The following SLCO1B3 variants were observed in gnomAD, a reference collection of about 807,000 sequenced individuals.
SLCO1B3 encodes solute carrier organic anion transporter family member 1B3.
Under a neutral mutation model 71.8 loss-of-function variants are expected in SLCO1B3, and 72 were observed. The observed-to-expected ratio is 1.00, with a 90% CI of 0.83 to 1.22. SLCO1B3 has a LOEUF of 1.22. Ranked by LOEUF, SLCO1B3 falls within the 50% of genes most tolerant of loss-of-function variation. The pLI, the probability that SLCO1B3 is intolerant of heterozygous loss-of-function variation, is 0.00. For synonymous variants in SLCO1B3, 298 were observed against 278.4 expected (o/e 1.07, Z -0.70); for missense variants, 911 against 819.7 (o/e 1.11, Z -1.36).
At chr12:20,905,615 C>G (rs1055668050) in intron 15 of SLCO1B3, among the ~76,000 whole-genome samples, 5 of 152,158 alleles carry the variant, frequency 3.3e-5, no homozygotes. Flanking sequence ...AGAGCAGGGA[C>G]AAAATGCCAC....
chr12:20,810,833 A>G (rs1864098477), intron 1 of SLCO1B3, 69 bp downstream of exon 1: 2 of 152,310 alleles, frequency 1.3e-5, no homozygotes, highest in African/African-American at 4.8e-5. Flanking sequence ...AATTTCAGTG[A>G]AAATGTTTTT....
chr12:20,867,810 C>A (rs1228691701), intron 8 of SLCO1B3, among the ~76,000 whole-genome samples: 27 of 152,252 alleles, frequency 1.8e-4, no homozygotes, highest in Non-Finnish European at 2.5e-4. Flanking sequence ...TAAAGCCACA[C>A]TGTGTGTACC....
intron 13 of SLCO1B3, among the ~76,000 whole-genome samples, chr12:20,897,280 A>G (rs533955212): frequency 6.6e-6 from 1 of 152,292 alleles, no homozygotes; most frequent in Admixed American, 6.5e-5. Context: ...ATTATGTTTA[A>G]TTTAGTTTTT....
chr12:20,835,839 C>T (rs531557765), intron 3 of SLCO1B3, among the ~76,000 whole-genome samples: 14 of 152,288 alleles, frequency 9.2e-5, no homozygotes, highest in Non-Finnish European at 5.9e-5. Context: ...AAAGCTGCTT[C>T]CCCATTATCA....
intron 13 of SLCO1B3, among the ~76,000 whole-genome samples, chr12:20,892,748 G>A (rs1865929099): frequency 6.6e-6 from 1 of 152,162 alleles, no homozygotes; most frequent in Admixed American, 6.5e-5. Context: ...TAATCCTGAA[G>A]ATTAAAGAAA....
rs749061053 is a variant in SLCO1B3 at position 20,855,023 on chromosome 12, T to C, written c.85-5T>C. 1.9e-6 allele frequency: 3 copies of C among 1,609,058 alleles called. No individual in the cohort carries two copies. The highest frequency in any genetic ancestry group is 2.5e-6 in the Non-Finnish European group (3 of 1,179,102). ...AATTTTCATTTTTTCTTCTATTGTT[T>C]TTAGATGTTCTTGGCAGCCCTGTCA... On this transcript the variant is annotated splice_region_variant and splice_polypyrimidine_tract_variant and intron_variant, in intron 3 of 15. Transcript: ENST00000381545.
intron 3 of SLCO1B3, among the ~76,000 whole-genome samples, chr12:20,848,137 T>A (rs1864953548): frequency 6.6e-6 from 1 of 151,838 alleles, no homozygotes; most frequent in African/African-American, 2.4e-5. Context: ...ACACTAAAAC[T>A]CAATGATAAG....
chr12:20,855,253 C>A, intron 4 of SLCO1B3, 84 bp downstream of exon 4: 1 of 1,177,252 alleles, frequency 8.5e-7, no homozygotes, highest in Non-Finnish European at 1.2e-6. Flanking sequence ...ATCACTGGGT[C>A]TGGACTAGGT....
rs61305334 is a variant in SLCO1B3, at chr12:20,839,889, A to G, written c.85-15139A>G. Among the ~76,000 whole-genome samples the G allele has an allele frequency of 5.5e-3, 837 of 152,162 alleles. 13 individuals carry two copies. The highest frequency in any genetic ancestry group is 0.02 in the African/African-American group (818 of 41,516). On this transcript the variant is annotated intron_variant, in intron 3 of 15. Transcript: ENST00000381545. ...TTGCTTTTTACTTCTGCAGATTTTAATTGGTATATTCTGAAGCTCATATAG... is the reference window on the plus strand; with the variant it reads ...TTGCTTTTTACTTCTGCAGATTTTAGTTGGTATATTCTGAAGCTCATATAG...
intron 1 of SLCO1B3, among the ~76,000 whole-genome samples, chr12:20,812,845 A>G (rs1272061477): frequency 1.3e-5 from 2 of 148,462 alleles, no homozygotes; most frequent in Non-Finnish European, 3.0e-5. Flanking sequence ...AAGCTGAAGG[A>G]AGACTATCTG....
intron 3 of SLCO1B3, among the ~76,000 whole-genome samples, chr12:20,824,125 T>A (rs1350717267): frequency 2.0e-5 from 3 of 152,246 alleles, no homozygotes; most frequent in Non-Finnish European, 2.9e-5. Flanking sequence ...ATTTTGCTCA[T>A]AAGAACAAAT....
chr12:20,832,680 C>G (rs967204890), intron 3 of SLCO1B3, among the ~76,000 whole-genome samples: 1 of 152,168 alleles, frequency 6.6e-6, no homozygotes, highest in Non-Finnish European at 1.5e-5. Flanking sequence ...GCCAAGCACA[C>G]TTCTGACTTG....
chr12:20,915,830 A>C (rs1286279301), intron 15 of SLCO1B3, among the ~76,000 whole-genome samples, 174 bp from the exon 16 acceptor site: 1 of 152,134 alleles, frequency 6.6e-6, no homozygotes, highest in Non-Finnish European at 1.5e-5. Flanking sequence ...TTTTTTTAAT[A>C]ATAGAAAAAT....
rs148873611 is a variant in SLCO1B3, at chr12:20,854,894, A to G, written c.85-134A>G. 5.2e-4 allele frequency: 401 copies of G among 776,670 alleles called. 1 individual carries two copies. In the African/African-American group the frequency reaches 6.7e-3, roughly 13 times the overall value. The allele number at this position is 776,670 out of a possible 1,614,324, so 48.1% of individuals were successfully genotyped here. ...ATAGGGCTGAGAAGTTTCAACTTGT[A>G]TAGGGAAAAATGGGTATTTTTTTAT... On this transcript the variant is annotated intron_variant, in intron 3 of 15. Coordinates refer to ENST00000381545, the MANE Select transcript of SLCO1B3 (RefSeq NM_019844.4).
At chr12:20,894,067 G>C (rs1020071850) in intron 13 of SLCO1B3, among the ~76,000 whole-genome samples, 1 of 152,136 alleles carries the variant, frequency 6.6e-6, no homozygotes, top group Non-Finnish European at 1.5e-5. Flanking sequence ...GGTCTAACTG[G>C]AAATTACCTC....
intron 1 of SLCO1B3, among the ~76,000 whole-genome samples, chr12:20,813,054 G>T (rs1864134539): frequency 6.6e-6 from 1 of 152,070 alleles, no homozygotes; most frequent in Admixed American, 6.6e-5. Flanking sequence ...CATACAAAAA[G>T]TGGAATAATT....
intron 9 of SLCO1B3, among the ~76,000 whole-genome samples, chr12:20,876,580 G>T (rs1004988447): frequency 1.3e-5 from 2 of 152,244 alleles, no homozygotes; most frequent in Admixed American, 1.3e-4. Context: ...ACTCATGAGA[G>T]TGGATTGCTC....
At chr12:20,873,459 G>C (rs1259421548) in intron 8 of SLCO1B3, among the ~76,000 whole-genome samples, 1 of 152,060 alleles carries the variant, frequency 6.6e-6, no homozygotes, top group East Asian at 1.9e-4. Flanking sequence ...TAGTTCCCAG[G>C]TGTCTGGCAT....
chr12:20,836,758 C>T (rs1004066990), intron 3 of SLCO1B3, among the ~76,000 whole-genome samples: 2 of 152,110 alleles, frequency 1.3e-5, no homozygotes, highest in African/African-American at 4.8e-5. Flanking sequence ...TCTCCTGCCT[C>T]AGCCTCCTGA....
Sources: allele counts gnomAD v4.1 joint callset (sites outside exome capture counted in the v4.1 genomes callset), GRCh38; gene constraint gnomAD v4.1.1; transcripts MANE v1.5; gene names NCBI Gene and HGNC (gene_info 2026-07-23, HGNC 2026-07-21).